DCAF6: variants seen among roughly 807,000 people sequenced by gnomAD.
DCAF6 encodes the protein DDB1- and CUL4-associated factor 6.
A neutral mutation model predicts 125.1 loss-of-function variants in DCAF6; 54 were observed. That is an observed-to-expected ratio of 0.43 (90% CI 0.35 to 0.54). The LOEUF is 0.54. DCAF6 is among the 20% of genes least tolerant of loss of function. The pLI is 0.01. For synonymous variants in DCAF6, 371 were observed against 390.4 expected, an observed-to-expected ratio of 0.95 and a Z score of 0.58; for missense variants, 934 against 1,161.7, an observed-to-expected ratio of 0.80 and a Z score of 2.85.
the DCAF6 span, among the ~76,000 whole-genome samples, chr1:167,874,977 G>T: frequency 6.6e-6 from 1 of 152,054 alleles, no homozygotes; most frequent in Non-Finnish European, 1.5e-5. Context: ...GAGTAATCCT[G>T]GTGTATTGCT....
At chr1:167,987,010 G>T (rs992966822) in intron 4 of DCAF6, among the ~76,000 whole-genome samples, 2 of 152,088 alleles carry the variant, frequency 1.3e-5, no homozygotes, top group African/African-American at 4.8e-5. Flanking sequence ...TATTCATGTT[G>T]TATAACCATT....
the DCAF6 span, among the ~76,000 whole-genome samples, chr1:167,883,227 A>G: frequency 5.1e-3 from 782 of 152,278 alleles, 12 homozygotes; most frequent in East Asian, 0.075. Context: ...TAGTAGAGAC[A>G]GGGTTTCACT....
At chr1:167,968,875 G>A (rs769282073) in intron 3 of DCAF6, among the ~76,000 whole-genome samples, 7 of 152,236 alleles carry the variant, frequency 4.6e-5, no homozygotes, top group Non-Finnish European at 1.0e-4. Flanking sequence ...ATTTGGAACT[G>A]AGAGGAAATA....
rs1452210120 is a variant in DCAF6, at chr1:167,960,742, AT to A, written c.160-5886del. 1.7e-4 allele frequency among the ~76,000 whole-genome samples: 26 copies of A among 152,300 alleles called. No individual in the cohort carries two copies. The East Asian group carries it at 4.8e-3, about 28-fold the overall frequency. ...GTTAAAGTGTATTTTAAGGCCTCAA[AT>A]ATGGTCTGTCTTGGTAAATGTTCCA... On this transcript the variant is annotated intron_variant, in intron 2 of 21. Coordinates refer to ENST00000367840, the MANE Select transcript of DCAF6 (RefSeq NM_001198956.2).
intron 10 of DCAF6, among the ~76,000 whole-genome samples, chr1:168,009,333 T>TCCTTCCTTCCTC (rs1458542307): frequency 2.7e-5 from 4 of 146,792 alleles, no homozygotes; most frequent in Admixed American, 1.4e-4. Flanking sequence ...TCTTCTTCTT[T>TCCTTCCTTCCTC]CCTTCCTTCC....
chr1:168,051,537 T>G (rs1389791228), intron 17 of DCAF6, among the ~76,000 whole-genome samples: 1 of 152,194 alleles, frequency 6.6e-6, no homozygotes, highest in African/African-American at 2.4e-5. Flanking sequence ...AAAACCTGTT[T>G]TGCTGACAAA....
intron 4 of DCAF6, among the ~76,000 whole-genome samples, chr1:167,986,259 T>G (rs928923658): frequency 6.6e-6 from 1 of 152,218 alleles, no homozygotes; most frequent in African/African-American, 2.4e-5. Context: ...TATGATCAGC[T>G]TTAATAGATA....
Position 167,936,722 on chromosome 1 carries a change from G to T in DCAF6, c.-190G>T. 1 of 593,016 alleles carries T rather than the reference G, an allele frequency of 1.7e-6. No homozygotes were observed. The highest frequency in any genetic ancestry group is 2.9e-5 in the East Asian group (1 of 34,262). 36.7% of individuals were successfully genotyped at this position (593,016 alleles called of 1,614,324 possible). A position where few individuals can be genotyped will look rare whatever the true frequency, so the allele number is the denominator to read the frequency against. ...GTCTAAGAAGGAGAGTATGAGGCGAGCTCCGGCCCGGGTGCGGCCGGGCTT... is the reference window on the plus strand; with the variant it reads ...GTCTAAGAAGGAGAGTATGAGGCGATCTCCGGCCCGGGTGCGGCCGGGCTT... On this transcript the variant is annotated 5_prime_UTR_variant, in exon 1 of 22. Coordinates refer to ENST00000367840, the MANE Select transcript of DCAF6 (RefSeq NM_001198956.2).
At chr1:167,879,918 C>T in the DCAF6 span, among the ~76,000 whole-genome samples, 1 of 152,208 alleles carries the variant, frequency 6.6e-6, no homozygotes, top group East Asian at 1.9e-4. Flanking sequence ...CTACATATTT[C>T]TCTACTCATA....
At chr1:168,024,312 T>C (rs1571987410) in intron 12 of DCAF6, among the ~76,000 whole-genome samples, 2 of 152,142 alleles carry the variant, frequency 1.3e-5, no homozygotes, top group African/African-American at 4.8e-5. Context: ...TTTAAAAAAT[T>C]AGCACTAAAG....
the DCAF6 span, among the ~76,000 whole-genome samples, chr1:167,908,072 A>G: frequency 6.6e-6 from 1 of 152,236 alleles, no homozygotes; most frequent in Non-Finnish European, 1.5e-5. Flanking sequence ...TATATACCCA[A>G]AGGAATTGAA....
chr1:167,938,300 T>C (rs1671662412), intron 1 of DCAF6, among the ~76,000 whole-genome samples: 1 of 152,148 alleles, frequency 6.6e-6, no homozygotes, highest in African/African-American at 2.4e-5. Context: ...GACACCTGAG[T>C]GCATGGTGTC....
At chr1:167,901,658 T>G in the DCAF6 span, 1 of 1,613,908 alleles carries the variant, frequency 6.2e-7, no homozygotes, top group African/African-American at 1.3e-5. Context: ...TCTCAAATGC[T>G]TACCTATCTT....
At chr1:167,998,341 G>A (rs1682065257) in intron 7 of DCAF6, among the ~76,000 whole-genome samples, 1 of 152,142 alleles carries the variant, frequency 6.6e-6, no homozygotes, top group Admixed American at 6.5e-5. Flanking sequence ...CTTTTTGCTG[G>A]TGGAGGGGCT....
At position 167,936,983 on chromosome 1, in the gene DCAF6, G is replaced by T. The variant is rs764507123; in HGVS notation, c.72G>T (p.Pro24=). Residue 24 remains proline (P), a synonymous_variant, in exon 1 of 22, where the codon CCG becomes CCT. Coordinates refer to ENST00000367840, the MANE Select transcript of DCAF6 (RefSeq NM_001198956.2). ...AAAGGTCCCTCGGGCTGGAGGACCC[G>T]TCCCGGCTGCGGAGTCGCTACCTGG... The part of the protein sequence containing the change: ...VRKRSLGLED[P]SRLRSRYLGR... 29 of 1,610,740 alleles carry T rather than the reference G, an allele frequency of 1.8e-5. No homozygotes were observed. Among genetic ancestry groups the T allele is most frequent in the Non-Finnish European group, 2.4e-5 (28 of 1,179,062 alleles).
At chr1:168,064,019 T>G (rs999397675) in intron 18 of DCAF6, 23 of 209,132 alleles carry the variant, frequency 1.1e-4, no homozygotes, top group African/African-American at 5.4e-4. Context: ...GCTTTTGTTT[T>G]TTTTTTTTTT....
intron 13 of DCAF6, among the ~76,000 whole-genome samples, chr1:168,040,587 T>C (rs1211400287): frequency 1.3e-5 from 2 of 152,090 alleles, no homozygotes; most frequent in East Asian, 1.9e-4. Flanking sequence ...ATTGTGATGT[T>C]TGTGGCCCTT....
intron 18 of DCAF6, among the ~76,000 whole-genome samples, chr1:168,064,669 ATAAT>A (rs886184939): frequency 4.6e-5 from 7 of 152,200 alleles, no homozygotes; most frequent in Admixed American, 2.0e-4. Context: ...TAGCATGAAA[ATAAT>A]TAGAGGAAGG....
At chr1:168,071,462 T>G (rs182770271) in intron 21 of DCAF6, among the ~76,000 whole-genome samples, 1 of 151,890 alleles carries the variant, frequency 6.6e-6, no homozygotes, top group East Asian at 1.9e-4. Flanking sequence ...ATAAAAAAAA[T>G]TATAAATACA....
Sources: gnomAD v4.1 joint callset for allele counts (sites outside exome capture counted in the v4.1 genomes callset) on GRCh38, gnomAD v4.1.1 for gene constraint, MANE v1.5 for transcripts, NCBI Gene and HGNC (gene_info 2026-07-23, HGNC 2026-07-21) for gene names.